Variants in KCNQ3 observed in about 807,000 individuals in gnomAD.
KCNQ3 encodes potassium voltage-gated channel subfamily KQT member 3.
A neutral mutation model predicts 92.5 loss-of-function variants in KCNQ3; 30 were observed. The observed-to-expected ratio is 0.32, with a 90% confidence interval of 0.24 to 0.44. The LOEUF (loss-of-function observed/expected upper bound fraction) is 0.44, where lower values mean the gene tolerates loss of function less well. Ranked by LOEUF, KCNQ3 falls within the 20% of genes least tolerant of loss-of-function variation. The pLI, the probability that KCNQ3 is intolerant of heterozygous loss-of-function variation, is 1.00. For synonymous variants in KCNQ3, 450 were observed against 468.8 expected (o/e 0.96, Z 0.52); for missense variants, 913 against 1,140.3 (o/e 0.80, Z 2.87).
chr8:132,271,739 AC>A (rs1563834533), intron 1 of KCNQ3, among the ~76,000 whole-genome samples: 1 of 152,000 alleles, frequency 6.6e-6, no homozygotes, highest in Non-Finnish European at 1.5e-5. Flanking sequence ...ATAGCTCTCC[AC>A]CCCCGGGAAG....
chr8:132,268,728 C>A (rs553716412), intron 1 of KCNQ3, among the ~76,000 whole-genome samples: 2 of 152,322 alleles, frequency 1.3e-5, no homozygotes, highest in East Asian at 3.9e-4. Context: ...CAGTATTCAG[C>A]TTCCTTGGGT....
At chr8:132,404,896 T>G (rs891124747) in intron 1 of KCNQ3, among the ~76,000 whole-genome samples, 24 of 152,330 alleles carry the variant, frequency 1.6e-4, no homozygotes, top group African/African-American at 5.8e-4. Flanking sequence ...TGTGGGTGAC[T>G]TAAATTTTCT....
intron 9 of KCNQ3, among the ~76,000 whole-genome samples, chr8:132,154,981 T>C (rs1473647990): frequency 1.3e-5 from 2 of 152,182 alleles, no homozygotes; most frequent in Non-Finnish European, 2.9e-5. Flanking sequence ...AATTCTTTGT[T>C]CAGTTCAGTG....
chr8:132,283,288 T>A (rs950514551), intron 1 of KCNQ3, among the ~76,000 whole-genome samples: 1 of 152,130 alleles, frequency 6.6e-6, no homozygotes, highest in African/African-American at 2.4e-5. Context: ...TTCTCCAGCA[T>A]ATAGTCCAGT....
chr8:132,359,763 AT>A (rs1405777675), intron 1 of KCNQ3, among the ~76,000 whole-genome samples: 5 of 152,176 alleles, frequency 3.3e-5, no homozygotes, highest in African/African-American at 1.2e-4. Flanking sequence ...CATTCAATTA[AT>A]TTTGTTTTCC....
chr8:132,138,167 C>G, intron 11 of KCNQ3, 151 bp from the exon 12 acceptor site: 1 of 793,706 alleles, frequency 1.3e-6, no homozygotes, highest in Non-Finnish European at 2.1e-6. Flanking sequence ...TCTGGTTCTA[C>G]CCCTTGGAAC....
At chr8:132,427,999 C>T (rs753628064) in intron 1 of KCNQ3, among the ~76,000 whole-genome samples, 5 of 152,168 alleles carry the variant, frequency 3.3e-5, no homozygotes, top group African/African-American at 1.2e-4. Context: ...CAGATGCTCC[C>T]GGGCCTGCTG....
intron 1 of KCNQ3, among the ~76,000 whole-genome samples, chr8:132,445,179 C>A (rs1821643138): frequency 6.6e-6 from 1 of 152,146 alleles, no homozygotes; most frequent in South Asian, 2.1e-4. Flanking sequence ...GGAGCCAAGT[C>A]CCAAATGCTC....
At chr8:132,386,508 G>A (rs1224992379) in intron 1 of KCNQ3, among the ~76,000 whole-genome samples, 1 of 151,960 alleles carries the variant, frequency 6.6e-6, no homozygotes, top group African/African-American at 2.4e-5. Flanking sequence ...GGTTTTAAAG[G>A]TAAATATAAA....
intron 1 of KCNQ3, among the ~76,000 whole-genome samples, chr8:132,268,076 T>C (rs1477979132): frequency 6.6e-6 from 1 of 152,166 alleles, no homozygotes; most frequent in Admixed American, 6.5e-5. Context: ...AAATCCTATG[T>C]CCTCTGCCTA....
chr8:132,172,633 C>A lies in KCNQ3; in HGVS notation c.1105G>T (p.Glu369Ter). 1 of 1,614,112 alleles carries A rather than the reference C, an allele frequency of 6.2e-7. No individual in the cohort carries two copies. The highest frequency in any genetic ancestry group is 1.1e-5 in the South Asian group (1 of 91,086). ...VQEQHRQKHF[E>*]KRRKPAAELI... is the part of the protein sequence containing the mutation. ...TCAGCAGCTGGCTTCCTCCTTTTCTCAAAGTGCTTCTGACGGTGTTGCTCC... is the reference window on the plus strand; with the variant it reads ...TCAGCAGCTGGCTTCCTCCTTTTCTAAAAGTGCTTCTGACGGTGTTGCTCC... The change falls in exon 7 of 15, where the codon GAG becomes TAG. Residue 369 changes from glutamate (E) to a stop codon, truncating the protein, a stop_gained. Coordinates refer to ENST00000388996, the MANE Select transcript of KCNQ3 (RefSeq NM_004519.4). LOFTEE classifies it high-confidence loss of function.
At chr8:132,339,740 T>C (rs1423397653) in intron 1 of KCNQ3, among the ~76,000 whole-genome samples, 1 of 152,114 alleles carries the variant, frequency 6.6e-6, no homozygotes, top group Non-Finnish European at 1.5e-5. Flanking sequence ...TCCCAGTGCT[T>C]TGCCATCACT....
intron 1 of KCNQ3, among the ~76,000 whole-genome samples, chr8:132,472,712 T>C (rs568041194): frequency 6.6e-6 from 1 of 152,258 alleles, no homozygotes; most frequent in Non-Finnish European, 1.5e-5. Context: ...AGGGTGACCA[T>C]AGTTAACAAC....
At chr8:132,170,512 T>A in intron 7 of KCNQ3, 84 bp from the exon 8 acceptor site, 1 of 863,796 alleles carries the variant, frequency 1.2e-6, no homozygotes, top group Non-Finnish European at 2.0e-6. Context: ...AAACAATGTT[T>A]AAGCCCTGGA....
chr8:132,135,835 T>TAAAG (rs1200918881), intron 12 of KCNQ3, among the ~76,000 whole-genome samples: 1 of 151,978 alleles, frequency 6.6e-6, no homozygotes, highest in Non-Finnish European at 1.5e-5. Context: ...CAGTTAGGGA[T>TAAAG]AAAGAAAGGC....
rs372746658 is a variant in KCNQ3, at chr8:132,479,194, C to A, written c.386+953G>T. Among the ~76,000 whole-genome samples the A allele has an allele frequency of 1.5e-4, 23 of 152,214 alleles. No individual in the cohort carries two copies. The East Asian group carries it at 1.7e-3, about 12-fold the overall frequency. On this transcript the variant is annotated intron_variant, in intron 1 of 14. Coordinates refer to ENST00000388996, the MANE Select transcript of KCNQ3 (RefSeq NM_004519.4). The stretch of plus-strand genomic sequence containing the variant: ...ACCATCCTCTCCCCCCTCCCAAATA[C>A]GGGTGGATTTTCCATCCCCAGTGGC...
At chr8:132,290,078 C>T (rs2130552279) in intron 1 of KCNQ3, among the ~76,000 whole-genome samples, 1 of 152,264 alleles carries the variant, frequency 6.6e-6, no homozygotes, top group South Asian at 2.1e-4. Flanking sequence ...AATGTAGAGG[C>T]CAACACAAAA....
chr8:132,170,772 G>A (rs1826309567), intron 7 of KCNQ3, among the ~76,000 whole-genome samples: 1 of 151,390 alleles, frequency 6.6e-6, no homozygotes, highest in East Asian at 2.0e-4. Flanking sequence ...AGCACTTTGG[G>A]AGACCAAGGT....
At chr8:132,355,487 G>A (rs917608541) in intron 1 of KCNQ3, among the ~76,000 whole-genome samples, 1 of 152,106 alleles carries the variant, frequency 6.6e-6, no homozygotes, top group Non-Finnish European at 1.5e-5. Flanking sequence ...GGATTGACAT[G>A]TAACCCTGAG....
Sources: allele counts gnomAD v4.1 joint callset (sites outside exome capture counted in the v4.1 genomes callset), GRCh38; gene constraint gnomAD v4.1.1; transcripts MANE v1.5; gene names NCBI Gene and HGNC (gene_info 2026-07-23, HGNC 2026-07-21).